The following TBXAS1 variants were observed in gnomAD, a reference collection of about 807,000 sequenced individuals.
TBXAS1 encodes thromboxane-A synthase.
Under a neutral mutation model 60.7 loss-of-function variants are expected in TBXAS1, and 48 were observed. The ratio of observed to expected loss-of-function variants is 0.79; its 90% CI spans 0.63 to 1.01. The LOEUF (loss-of-function observed/expected upper bound fraction) is 1.01, where lower values mean the gene tolerates loss of function less well. Among genes scored for constraint, TBXAS1 ranks in the 50% least tolerant of loss-of-function variants. The pLI is 0.00. For missense variants in TBXAS1, 685 were observed against 686.3 expected, an observed-to-expected ratio of 1.00 and a Z score of 0.02; for synonymous variants, 287 against 269.7, an observed-to-expected ratio of 1.06 and a Z score of -0.63.
intron 3 of TBXAS1, among the ~76,000 whole-genome samples, chr7:139,909,285 G>C (rs1355721657): frequency 6.6e-6 from 1 of 152,092 alleles, no homozygotes; most frequent in Non-Finnish European, 1.5e-5. Context: ...TTGTATATTT[G>C]AGAAACATTG....
intron 1 of TBXAS1, among the ~76,000 whole-genome samples, chr7:139,859,599 C>T (rs1800828083): frequency 6.6e-6 from 1 of 152,092 alleles, no homozygotes; most frequent in African/African-American, 2.4e-5. Context: ...TTCAATTTAT[C>T]TAAAAGAAAT....
intron 3 of TBXAS1, among the ~76,000 whole-genome samples, chr7:139,877,498 C>CCAGTCTATTGCTTTTTAAAGGT (rs1391313633): frequency 1.3e-5 from 2 of 151,430 alleles, no homozygotes; most frequent in East Asian, 2.0e-4. Context: ...TCTCAGCTCA[C>CCAGTCTATTGCTTTTTAAAGGT]TGCAACCTCT....
chr7:139,897,029 T>A (rs73158663), intron 3 of TBXAS1, among the ~76,000 whole-genome samples: 5 of 152,216 alleles, frequency 3.3e-5, no homozygotes, highest in Non-Finnish European at 7.4e-5. Context: ...CCAGTTGGCA[T>A]TAGACGTTGG....
In TBXAS1 at chr7:139,896,418, G is replaced by C. The variant is rs932665348; in HGVS notation, c.237-14807G>C. ...GAGCAGGGGGAATACTGCACATCTG[G>C]GGAACCATAAATAACTTTTTCACAG... On this transcript the variant is annotated intron_variant, in intron 3 of 12. Transcript: ENST00000448866. The surrounding 1 kb of genome is among the most constrained non-coding windows in gnomAD (Gnocchi z 4.0). Among the ~76,000 whole-genome samples, 3 of 152,164 alleles carry C rather than the reference G, an allele frequency of 2.0e-5. No individual in the cohort carries two copies. Among genetic ancestry groups the C allele is most frequent in the Non-Finnish European group, 2.9e-5 (2 of 68,016 alleles).
chr7:139,908,573 A>G (rs1033025323), intron 3 of TBXAS1, among the ~76,000 whole-genome samples: 1 of 152,148 alleles, frequency 6.6e-6, no homozygotes, highest in African/African-American at 2.4e-5. Flanking sequence ...ATTTTGAGTG[A>G]TATGTAGAAA....
intron 2 of TBXAS1, among the ~76,000 whole-genome samples, chr7:139,781,650 G>A (rs780504716): frequency 6.6e-6 from 1 of 151,984 alleles, no homozygotes; most frequent in Non-Finnish European, 1.5e-5. Flanking sequence ...TGGCCAACAT[G>A]ATGAAACTCC....
chr7:139,886,449 G>A (rs142415054), intron 3 of TBXAS1, among the ~76,000 whole-genome samples: 7 of 141,072 alleles, frequency 5.0e-5, no homozygotes, highest in Admixed American at 2.3e-4. Context: ...ACCTTTGCCC[G>A]GAATCTATGG....
chr7:139,842,109 C>T (rs542447808), intron 1 of TBXAS1, among the ~76,000 whole-genome samples: 117 of 152,206 alleles, frequency 7.7e-4, no homozygotes, highest in Middle Eastern at 6.8e-3. Flanking sequence ...TGAGGGGCCA[C>T]GCTCACTGGC....
At chr7:139,788,146 G>A (rs1377465362) in intron 4 of TBXAS1, among the ~76,000 whole-genome samples, 1 of 152,180 alleles carries the variant, frequency 6.6e-6, no homozygotes, top group Non-Finnish European at 1.5e-5. Flanking sequence ...GAGGTTGTTA[G>A]CCTACAGTCA....
chr7:139,883,268 T>C (rs1802831826), intron 3 of TBXAS1, among the ~76,000 whole-genome samples: 1 of 152,238 alleles, frequency 6.6e-6, no homozygotes, highest in Non-Finnish European at 1.5e-5. Flanking sequence ...ATGATCTCGT[T>C]ATACCAAATA....
chr7:139,792,816 A>G (rs554922974), intron 4 of TBXAS1, among the ~76,000 whole-genome samples: 1 of 152,220 alleles, frequency 6.6e-6, no homozygotes, highest in Non-Finnish European at 1.5e-5. Flanking sequence ...TCCAAAAGAG[A>G]TATCCTGGAA....
At chr7:139,917,191 CACAA>C (rs975495769) in intron 4 of TBXAS1, among the ~76,000 whole-genome samples, 12 of 152,288 alleles carry the variant, frequency 7.9e-5, no homozygotes, top group African/African-American at 2.4e-4. Context: ...TTCCTGAAAG[CACAA>C]ACAGACTACA....
intron 4 of TBXAS1, among the ~76,000 whole-genome samples, chr7:139,800,109 T>C (rs1195675434): frequency 1.3e-5 from 2 of 152,172 alleles, no homozygotes; most frequent in Admixed American, 6.5e-5. Context: ...TTTAGGGCAA[T>C]GCCACCCTTT....
At chr7:139,952,475 T>A (rs939450463) in intron 5 of TBXAS1, 2 of 1,485,322 alleles carry the variant, frequency 1.3e-6, no homozygotes, top group African/African-American at 2.8e-5. Flanking sequence ...GAATGATGTA[T>A]TAGAGCACGT....
intron 2 of TBXAS1, among the ~76,000 whole-genome samples, chr7:139,874,813 A>C (rs1802099263): frequency 6.6e-6 from 1 of 152,128 alleles, no homozygotes; most frequent in Non-Finnish European, 1.5e-5. Flanking sequence ...AAATGTGTCT[A>C]GCCAGGCACA....
intron 9 of TBXAS1, among the ~76,000 whole-genome samples, chr7:140,001,865 G>C (rs1050484408): frequency 1.1e-4 from 17 of 152,116 alleles, no homozygotes; most frequent in African/African-American, 4.1e-4. Flanking sequence ...ACTTTTCACT[G>C]GCTTATTCTC....
chr7:139,977,469 T>C (rs1811649002), intron 9 of TBXAS1, among the ~76,000 whole-genome samples: 1 of 152,040 alleles, frequency 6.6e-6, no homozygotes, highest in African/African-American at 2.4e-5. Context: ...CACAAGGGAA[T>C]TGTGGGAGTT....
intron 1 of TBXAS1, among the ~76,000 whole-genome samples, chr7:139,839,600 A>G (rs1799288362): frequency 6.8e-6 from 1 of 146,896 alleles, no homozygotes; most frequent in South Asian, 2.2e-4. Flanking sequence ...GGGCTTTGGG[A>G]GGGCAAAGTG....
chr7:139,867,928 G>C (rs1801544199), intron 1 of TBXAS1, among the ~76,000 whole-genome samples: 1 of 152,182 alleles, frequency 6.6e-6, no homozygotes, highest in African/African-American at 2.4e-5. Flanking sequence ...CTGATTTTGA[G>C]AATGATCCAG....
Sources: allele counts gnomAD v4.1 joint callset (sites outside exome capture counted in the v4.1 genomes callset), GRCh38; gene constraint gnomAD v4.1.1; non-coding constraint Gnocchi (gnomAD v3.1); transcripts MANE v1.5; gene names NCBI Gene and HGNC (gene_info 2026-07-23, HGNC 2026-07-21).